GYS2: variants seen among roughly 807,000 people sequenced by gnomAD.
The protein encoded by GYS2 is glycogen synthase 2, also known as glycogen [starch] synthase, liver.
In GYS2, 80 loss-of-function variants were observed where a neutral mutation model predicts 85.6. The ratio of observed to expected loss-of-function variants is 0.93; its 90% CI spans 0.78 to 1.13. GYS2 has a LOEUF of 1.13. Among genes scored for constraint, GYS2 ranks in the 50% most tolerant of loss-of-function variants. The pLI is 0.00. For synonymous variants in GYS2, 328 were observed against 300.7 expected, an observed-to-expected ratio of 1.09 and a Z score of -0.94; for missense variants, 881 against 854.9, an observed-to-expected ratio of 1.03 and a Z score of -0.38.
intron 1 of GYS2, among the ~76,000 whole-genome samples, chr12:21,585,948 T>C (rs1944567880): frequency 6.6e-6 from 1 of 152,202 alleles, no homozygotes; most frequent in Non-Finnish European, 1.5e-5. Context: ...TTGTCTTTAT[T>C]TGAAGATAAT....
rs139882761 is a variant in GYS2, at chr12:21,559,148, G to T, written c.1251C>A (p.Asn417Lys). The stretch of plus-strand genomic sequence containing the variant: ...TTAGATCATCTCGATCTAAAATATC[G>T]TTCAGGTCAGGAATTTCTCCTCTGC... ...ALLRGEIPDL[N>K]DILDRDDLTI... Residue 417 changes from asparagine (N) to lysine (K), a missense_variant, in exon 10 of 16, where the codon AAC becomes AAA. Transcript: ENST00000261195. The T allele has an allele frequency of 1.9e-6, 3 of 1,606,728 alleles. No homozygotes were observed. The East Asian group carries it at 6.7e-5, about 36-fold the overall frequency.
At chr12:21,596,345 C>A (rs779897921) in intron 1 of GYS2, among the ~76,000 whole-genome samples, 27 of 151,680 alleles carry the variant, frequency 1.8e-4, no homozygotes, top group Admixed American at 6.6e-4. Flanking sequence ...ATGCTAAAAT[C>A]CTTAACAAAA....
chr12:21,600,430 G>A (rs1044841911), intron 1 of GYS2, among the ~76,000 whole-genome samples: 9 of 152,098 alleles, frequency 5.9e-5, no homozygotes, highest in African/African-American at 1.9e-4. Flanking sequence ...GCTGGGCCTT[G>A]ATGGATCTTT....
intron 1 of GYS2, among the ~76,000 whole-genome samples, chr12:21,585,827 C>G (rs1342784918): frequency 6.6e-6 from 1 of 152,152 alleles, no homozygotes. Context: ...GACTTCATAT[C>G]AGCATTTAAG....
intron 1 of GYS2, among the ~76,000 whole-genome samples, chr12:21,602,712 A>G (rs1439322953): frequency 6.6e-6 from 1 of 152,068 alleles, no homozygotes; most frequent in African/African-American, 2.4e-5. Context: ...AAATCCATTG[A>G]GCATTTTCTA....
intron 3 of GYS2, among the ~76,000 whole-genome samples, chr12:21,574,767 CTT>C (rs1030812513): frequency 2.0e-5 from 3 of 151,328 alleles, no homozygotes; most frequent in Non-Finnish European, 2.9e-5. Flanking sequence ...ATTGACTAGA[CTT>C]GTGTTTATTT....
At chr12:21,537,286 G>T in intron 15 of GYS2, 111 bp from the exon 16 acceptor site, 1 of 771,048 alleles carries the variant, frequency 1.3e-6, no homozygotes, top group Non-Finnish European at 2.3e-6. Context: ...ATCTTTTGTA[G>T]TCTGGGTGCT....
chr12:21,556,883 T>A (rs1270993808), intron 11 of GYS2, among the ~76,000 whole-genome samples: 1 of 152,238 alleles, frequency 6.6e-6, no homozygotes, highest in South Asian at 2.1e-4. Flanking sequence ...ATTTATTTGT[T>A]TGATTTTTTT....
chr12:21,578,852 T>C (rs1944475920), intron 2 of GYS2, among the ~76,000 whole-genome samples: 2 of 152,184 alleles, frequency 1.3e-5, no homozygotes, highest in Non-Finnish European at 2.9e-5. Context: ...CTGCTAGGTA[T>C]TTCCTTTTTG....
chr12:21,570,264 T>C (rs530486690), intron 4 of GYS2, among the ~76,000 whole-genome samples: 1 of 152,348 alleles, frequency 6.6e-6, no homozygotes, highest in East Asian at 1.9e-4. Flanking sequence ...GCCTAATTAA[T>C]GAAACCAAAT....
At chr12:21,579,063 C>A (rs574211971) in intron 2 of GYS2, among the ~76,000 whole-genome samples, 1 of 152,248 alleles carries the variant, frequency 6.6e-6, no homozygotes, top group South Asian at 2.1e-4. Context: ...TGAAACTGTA[C>A]TTATCCATGT....
intron 5 of GYS2, among the ~76,000 whole-genome samples, chr12:21,568,065 C>A (rs1944343173): frequency 6.6e-6 from 1 of 151,264 alleles, no homozygotes; most frequent in Non-Finnish European, 1.5e-5. Flanking sequence ...GAGCAAGACT[C>A]CATCTCAAAA....
intron 2 of GYS2, among the ~76,000 whole-genome samples, chr12:21,577,131 T>C (rs887618173): frequency 2.6e-5 from 4 of 152,174 alleles, no homozygotes; most frequent in Non-Finnish European, 4.4e-5. Flanking sequence ...ACCCTCATTA[T>C]GTTTCAGTTG....
chr12:21,586,944 G>A (rs1944581075), intron 1 of GYS2, among the ~76,000 whole-genome samples: 1 of 151,936 alleles, frequency 6.6e-6, no homozygotes, highest in Admixed American at 6.6e-5. Flanking sequence ...ATGGACGATT[G>A]GATAAAGAAA....
intron 5 of GYS2, among the ~76,000 whole-genome samples, chr12:21,567,259 G>A (rs1166824335): frequency 6.6e-6 from 1 of 152,108 alleles, no homozygotes; most frequent in East Asian, 1.9e-4. Flanking sequence ...GAGATGGTAT[G>A]ATATTTGGCA....
intron 2 of GYS2, among the ~76,000 whole-genome samples, chr12:21,578,807 C>A (rs1369723972): frequency 6.6e-6 from 1 of 152,040 alleles, no homozygotes; most frequent in African/African-American, 2.4e-5. Context: ...TCTCTTCAAT[C>A]CTCCATTTAT....
At chr12:21,596,225 T>TC (rs1399280892) in intron 1 of GYS2, among the ~76,000 whole-genome samples, 2 of 151,914 alleles carry the variant, frequency 1.3e-5, no homozygotes, top group Admixed American at 6.6e-5. Context: ...ACAAGACAGA[T>TC]AAAGAAGGAA....
chr12:21,541,075 C>CCAACCTGGG (rs1163482880), intron 13 of GYS2, among the ~76,000 whole-genome samples: 5 of 151,818 alleles, frequency 3.3e-5, no homozygotes, highest in African/African-American at 1.2e-4. Context: ...GAGTTCAAGA[C>CCAACCTGGG]CAACCTGGGC....
chr12:21,573,992 A>G, intron 4 of GYS2, 152 bp downstream of exon 4: 1 of 691,458 alleles, frequency 1.4e-6, no homozygotes, highest in Non-Finnish European at 2.6e-6. Flanking sequence ...CTGTCTTTCA[A>G]CCCAAGGGAA....
Sources: gnomAD v4.1 joint callset for allele counts (sites outside exome capture counted in the v4.1 genomes callset) on GRCh38, gnomAD v4.1.1 for gene constraint, MANE v1.5 for transcripts, NCBI Gene and HGNC (gene_info 2026-07-23, HGNC 2026-07-21) for gene names.